LRRTM4: variants seen among roughly 807,000 people sequenced by gnomAD.
The protein encoded by LRRTM4 is leucine-rich repeat transmembrane neuronal protein 4.
In LRRTM4, 25 loss-of-function variants were observed where a neutral mutation model predicts 47.6. The ratio of observed to expected loss-of-function variants is 0.53; its 90% CI spans 0.38 to 0.73. The LOEUF (loss-of-function observed/expected upper bound fraction) is 0.73. LRRTM4 is among the 30% of genes least tolerant of loss of function. The pLI, the probability that LRRTM4 is intolerant of heterozygous loss-of-function variation, is 0.00. For missense variants in LRRTM4, 638 were observed against 713.4 expected (o/e 0.89, Z 1.20); for synonymous variants, 311 against 269.5 (o/e 1.15, Z -1.51).
At chr2:77,403,806 C>T (rs1008433162) in intron 3 of LRRTM4, among the ~76,000 whole-genome samples, 4 of 151,284 alleles carry the variant, frequency 2.6e-5, no homozygotes, top group Admixed American at 1.3e-4. Context: ...CTAAATATGA[C>T]TAATTGTTGG....
At chr2:77,453,182 T>A (rs1425526858) in intron 3 of LRRTM4, among the ~76,000 whole-genome samples, 1 of 141,886 alleles carries the variant, frequency 7.0e-6, no homozygotes, top group Non-Finnish European at 1.5e-5. Context: ...CTTGATTTTT[T>A]TTTTTTTTTT....
intron 3 of LRRTM4, among the ~76,000 whole-genome samples, chr2:77,001,990 C>T (rs1269697467): frequency 6.6e-6 from 1 of 152,056 alleles, no homozygotes; most frequent in Non-Finnish European, 1.5e-5. Flanking sequence ...CTGGCATTTT[C>T]AATAAAAGCT....
At chr2:77,403,964 G>C (rs920216633) in intron 3 of LRRTM4, among the ~76,000 whole-genome samples, 2 of 151,434 alleles carry the variant, frequency 1.3e-5, no homozygotes, top group African/African-American at 4.9e-5. Context: ...ACCATTTAAA[G>C]AATCATTTAA....
intron 3 of LRRTM4, among the ~76,000 whole-genome samples, chr2:77,294,056 T>C (rs1436827462): frequency 6.6e-6 from 1 of 152,142 alleles, no homozygotes; most frequent in Non-Finnish European, 1.5e-5. Flanking sequence ...CATAGATGCA[T>C]GTGTGTATGC....
At chr2:77,131,951 G>A (rs1490075954) in intron 3 of LRRTM4, among the ~76,000 whole-genome samples, 2 of 152,252 alleles carry the variant, frequency 1.3e-5, no homozygotes, top group Non-Finnish European at 2.9e-5. Flanking sequence ...TAATGATAAA[G>A]TCAGAGTATT....
chr2:77,214,865 C>T (rs1056651656), intron 3 of LRRTM4, among the ~76,000 whole-genome samples: 3 of 152,140 alleles, frequency 2.0e-5, no homozygotes, highest in East Asian at 3.9e-4. Context: ...GCAGTTCTCT[C>T]ATATTTATTC....
chr2:77,429,474 A>G (rs772526538), intron 3 of LRRTM4, among the ~76,000 whole-genome samples: 2 of 152,194 alleles, frequency 1.3e-5, no homozygotes, highest in Non-Finnish European at 2.9e-5. Context: ...AGATGAGTGG[A>G]TAAAGAAAAT....
chr2:77,044,783 T>C (rs958017813), intron 3 of LRRTM4, among the ~76,000 whole-genome samples: 2 of 151,714 alleles, frequency 1.3e-5, no homozygotes, highest in African/African-American at 4.8e-5. Context: ...TACATATGTA[T>C]AGATACAGGT....
At chr2:76,824,070 T>C (rs759238925) in intron 3 of LRRTM4, among the ~76,000 whole-genome samples, 7 of 151,488 alleles carry the variant, frequency 4.6e-5, no homozygotes, top group Non-Finnish European at 1.0e-4. Flanking sequence ...TCTTTCATTG[T>C]CTTTGAGATA....
intron 3 of LRRTM4, among the ~76,000 whole-genome samples, chr2:76,811,334 T>TAGTTGCTAC (rs1424438896): frequency 1.3e-5 from 2 of 152,168 alleles, no homozygotes; most frequent in African/African-American, 4.8e-5. Flanking sequence ...TCCAATTATG[T>TAGTTGCTAC]AGTTGCTACA....
At chr2:76,968,381 T>TACATAC in intron 3 of LRRTM4, among the ~76,000 whole-genome samples, 1 of 116,222 alleles carries the variant, frequency 8.6e-6, no homozygotes, top group African/African-American at 3.3e-5. Context: ...TATATATATA[T>TACATAC]ATACACATAC....
intron 3 of LRRTM4, among the ~76,000 whole-genome samples, chr2:76,856,988 A>G (rs1672170810): frequency 1.3e-5 from 2 of 152,034 alleles, no homozygotes; most frequent in South Asian, 4.1e-4. Flanking sequence ...TAACAAAATA[A>G]ATTTCTCTCT....
chr2:77,224,760 G>A (rs1674752769), intron 3 of LRRTM4, among the ~76,000 whole-genome samples: 1 of 152,110 alleles, frequency 6.6e-6, no homozygotes, highest in African/African-American at 2.4e-5. Context: ...TTACACTGTT[G>A]GTGGGACTGT....
chr2:76,896,697 TA>T, intron 3 of LRRTM4, among the ~76,000 whole-genome samples: 1 of 151,710 alleles, frequency 6.6e-6, no homozygotes, highest in South Asian at 2.1e-4. Context: ...ATTAAATACT[TA>T]AGAGTCAGTC....
chr2:76,828,453 T>C (rs1287670279), intron 3 of LRRTM4, among the ~76,000 whole-genome samples: 1 of 151,942 alleles, frequency 6.6e-6, no homozygotes, highest in Non-Finnish European at 1.5e-5. Context: ...TGCTTTGAAG[T>C]GTTCAGAGAA....
chr2:77,064,219 C>T (rs1258091585), intron 3 of LRRTM4, among the ~76,000 whole-genome samples: 4 of 152,026 alleles, frequency 2.6e-5, no homozygotes, highest in African/African-American at 4.8e-5. Flanking sequence ...CCAATAAGTA[C>T]TTCCACCCTA....
intron 3 of LRRTM4, among the ~76,000 whole-genome samples, chr2:77,437,120 T>A (rs183589612): frequency 6.6e-6 from 1 of 152,190 alleles, no homozygotes; most frequent in East Asian, 1.9e-4. Context: ...TTAATTAAGA[T>A]GACCTTTCAA....
intron 3 of LRRTM4, among the ~76,000 whole-genome samples, chr2:77,359,834 A>G (rs1233064249): frequency 1.3e-5 from 2 of 152,176 alleles, no homozygotes; most frequent in Non-Finnish European, 2.9e-5. Context: ...AGTGCCTGGT[A>G]CACAGTATTT....
chr2:76,804,272 A>G (rs145287960), intron 3 of LRRTM4, among the ~76,000 whole-genome samples: 3 of 152,066 alleles, frequency 2.0e-5, no homozygotes, highest in Non-Finnish European at 4.4e-5. Flanking sequence ...GAGATTTTTT[A>G]ATTTGTTATT....
Sources: gnomAD v4.1 joint callset for allele counts (sites outside exome capture counted in the v4.1 genomes callset) on GRCh38, gnomAD v4.1.1 for gene constraint, MANE v1.5 for transcripts, NCBI Gene and HGNC (gene_info 2026-07-23, HGNC 2026-07-21) for gene names.